The following NUP133 variants were observed in gnomAD, a reference collection of about 807,000 sequenced individuals.
NUP133 encodes nuclear pore complex protein Nup133.
NUP133 carries 66 observed loss-of-function variants against 146.2 expected under a neutral mutation model. That is an observed-to-expected ratio of 0.45 (90% CI 0.37 to 0.55). The LOEUF is 0.55. Ranked by LOEUF, NUP133 falls within the 20% of genes least tolerant of loss-of-function variation. NUP133 has a pLI of 0.00. For missense variants in NUP133, 1,277 were observed against 1,374.8 expected (o/e 0.93, Z 1.12); for synonymous variants, 521 against 498.8 (o/e 1.04, Z -0.59).
At chr1:229,468,523 C>A (rs1660877970) in intron 15 of NUP133, among the ~76,000 whole-genome samples, 1 of 152,074 alleles carries the variant, frequency 6.6e-6, no homozygotes, top group Non-Finnish European at 1.5e-5. Flanking sequence ...TTTTGAGGAG[C>A]CAATCACATT....
chr1:229,460,619 A>G lies in NUP133; in HGVS notation c.2836T>C (p.Leu946=). 6.2e-7 allele frequency: 1 copy of G among 1,612,676 alleles called. No individual in the cohort carries two copies. The highest frequency in any genetic ancestry group is 8.5e-7 in the Non-Finnish European group (1 of 1,179,624). Residue 946 remains leucine, a synonymous_variant, in exon 20 of 26, where the codon TTA becomes CTA. Coordinates refer to ENST00000261396, the MANE Select transcript of NUP133 (RefSeq NM_018230.3). ...AGAAAAATCCTTCTTACCTTTTCTA[A>G]TTCTTGGCTATTAATTTCATGTAAC... ...SWLHEINSQE[L]EKAHATLLGL...
At chr1:229,491,286 C>A (rs1311168304) in intron 8 of NUP133, among the ~76,000 whole-genome samples, 1 of 152,176 alleles carries the variant, frequency 6.6e-6, no homozygotes, top group Non-Finnish European at 1.5e-5. Flanking sequence ...AAAAGGTTTG[C>A]CAATCCCTGA....
chr1:229,452,122 C>T (rs1297689575), intron 22 of NUP133, among the ~76,000 whole-genome samples: 10 of 152,238 alleles, frequency 6.6e-5, no homozygotes, highest in Admixed American at 5.2e-4. Context: ...TGTTGGGTTG[C>T]AGAGGAAAGG....
At chr1:229,456,758 C>T (rs75978351) in intron 21 of NUP133, among the ~76,000 whole-genome samples, 4,198 of 150,412 alleles carry the variant, frequency 0.028, 157 homozygotes, top group African/African-American at 0.087. Flanking sequence ...TATATATACA[C>T]ACAATTTTAT....
chr1:229,456,706 T>G (rs188463421), intron 21 of NUP133, among the ~76,000 whole-genome samples: 1 of 151,876 alleles, frequency 6.6e-6, no homozygotes, highest in Non-Finnish European at 1.5e-5. Context: ...CGTATGTGTG[T>G]GTGTGTATAG....
At chr1:229,479,706 G>A (rs1218365115) in intron 12 of NUP133, among the ~76,000 whole-genome samples, 3 of 152,150 alleles carry the variant, frequency 2.0e-5, no homozygotes, top group Admixed American at 6.5e-5. Flanking sequence ...TATGAAATAT[G>A]TACTGCTGCT....
rs749908782 is a variant in NUP133 at position 229,508,086 on chromosome 1, C to T, written c.164G>A (p.Arg55His). The change falls in exon 1 of 26, where the codon CGT becomes CAT. Residue 55 changes from arginine to histidine, a missense_variant. Transcript: ENST00000261396. ...SPVLFSPVGR[R>H]SSLSSRGTPT... Reference sequence around the variant, plus strand: ...CACTTACCGCGAGCTTAGCGAGCTACGCCGGCCGACCGGCGAGAAGAGCAC... The same window carrying T: ...CACTTACCGCGAGCTTAGCGAGCTATGCCGGCCGACCGGCGAGAAGAGCAC... 3.3e-6 allele frequency: 5 copies of T among 1,503,794 alleles called. No individual in the cohort carries two copies. Among genetic ancestry groups the T allele is most frequent in the South Asian group, 1.3e-5 (1 of 78,674 alleles). 93.2% of individuals were successfully genotyped at this position (1,503,794 alleles called of 1,614,324 possible). A position where few individuals can be genotyped will look rare whatever the true frequency, so the allele number is the denominator to read the frequency against.
chr1:229,472,364 C>T (rs992778845), intron 14 of NUP133, among the ~76,000 whole-genome samples: 2 of 149,154 alleles, frequency 1.3e-5, no homozygotes, highest in Non-Finnish European at 3.0e-5. Context: ...CATGCAAGGT[C>T]ATCCCAATTG....
intron 19 of NUP133, among the ~76,000 whole-genome samples, chr1:229,461,661 T>G (rs1279196284): frequency 6.6e-6 from 1 of 152,048 alleles, no homozygotes; most frequent in Non-Finnish European, 1.5e-5. Context: ...AAACTATGAT[T>G]CAAGCAACAT....
chr1:229,449,004 A>G, intron 24 of NUP133, 122 bp downstream of exon 24: 1 of 738,838 alleles, frequency 1.4e-6, no homozygotes, highest in Admixed American at 2.2e-5. Flanking sequence ...TGCCCAGTGT[A>G]GGAGGTGGGA....
chr1:229,486,610 A>G, intron 10 of NUP133, 82 bp from the exon 11 acceptor site: 1 of 1,326,392 alleles, frequency 7.5e-7, no homozygotes, highest in Non-Finnish European at 1.0e-6. Flanking sequence ...TAAGCAGAAA[A>G]TCATCTTGAT....
chr1:229,458,030 AC>A, intron 21 of NUP133, 130 bp downstream of exon 21: 1 of 879,752 alleles, frequency 1.1e-6, no homozygotes, highest in Non-Finnish European at 1.7e-6. Context: ...ATGGACATTA[AC>A]TAAATGCATT....
In NUP133 at chr1:229,486,400, C is replaced by T. The variant is rs1661347598; in HGVS notation, c.1471G>A (p.Ala491Thr). 2 of 1,603,842 alleles carry T rather than the reference C, an allele frequency of 1.2e-6. No homozygotes were observed. The highest frequency in any genetic ancestry group is 2.2e-5 in the East Asian group (1 of 44,650). Residue 491 changes from alanine (A) to threonine (T), a missense_variant, in exon 11 of 26, where the codon GCA becomes ACA. Physicochemically the swap from Ala to Thr is moderately conservative, Grantham distance 58. Around this residue, in one of 3 missense-constraint regions of NUP133, gnomAD observed 952 missense variants for 1,047.0 expected, o/e 0.91. Transcript: ENST00000261396. Reference sequence around the variant, plus strand: ...CTGTTTGGTCCAGCAACTGAAGATGCTAAAGACCCTTCCAAGTCTTCTGCC... The same window carrying T: ...CTGTTTGGTCCAGCAACTGAAGATGTTAAAGACCCTTCCAAGTCTTCTGCC... ...ILAEDLEGSL[A>T]SSVAGPNSES...
At chr1:229,446,167 G>T (rs1360294071) in intron 24 of NUP133, among the ~76,000 whole-genome samples, 3 of 152,156 alleles carry the variant, frequency 2.0e-5, no homozygotes, top group African/African-American at 7.2e-5. Context: ...AGCACTTTGG[G>T]AGGCCGAGGC....
At chr1:229,455,294 C>T (rs1329857292) in intron 21 of NUP133, among the ~76,000 whole-genome samples, 3 of 152,304 alleles carry the variant, frequency 2.0e-5, no homozygotes, top group South Asian at 2.1e-4. Flanking sequence ...TGTGGTGGCT[C>T]ATGTCTATAA....
chr1:229,476,368 T>A (rs956072604), intron 13 of NUP133, among the ~76,000 whole-genome samples: 1 of 152,196 alleles, frequency 6.6e-6, no homozygotes, highest in Non-Finnish European at 1.5e-5. Context: ...AAATCTCTAA[T>A]GGAGCTTAGT....
chr1:229,479,933 T>C (rs777841217), intron 12 of NUP133, among the ~76,000 whole-genome samples: 5 of 152,182 alleles, frequency 3.3e-5, no homozygotes, highest in Non-Finnish European at 7.3e-5. Context: ...GACTGGTCTT[T>C]TTACAAATGG....
chr1:229,455,272 T>C (rs893337263), intron 21 of NUP133, among the ~76,000 whole-genome samples: 4 of 152,102 alleles, frequency 2.6e-5, no homozygotes, highest in Admixed American at 6.6e-5. Context: ...TTTTGAAAAA[T>C]TCCAGGCTGG....
At position 229,465,647 on chromosome 1, in the gene NUP133, C is replaced by T. The variant is rs889850990; in HGVS notation, c.2200-128G>A. On this transcript the variant is annotated intron_variant, in intron 16 of 25. Transcript: ENST00000261396. ...CAGGGGCCAGGAATGTTGGCTCACA[C>T]CTGTAATCCCAGTGCTTTGGGAGGC... The T allele has an allele frequency of 1.1e-5, 8 of 708,962 alleles. No homozygotes were observed. In the Admixed American group the frequency reaches 1.4e-4, roughly 13 times the overall value. 43.9% of individuals were successfully genotyped at this position (708,962 alleles called of 1,614,324 possible). A position where few individuals can be genotyped will look rare whatever the true frequency, so the allele number is the denominator to read the frequency against.
Sources: allele counts gnomAD v4.1 joint callset (sites outside exome capture counted in the v4.1 genomes callset), GRCh38; gene constraint gnomAD v4.1.1; regional missense constraint gnomAD v4.1.1; transcripts MANE v1.5; gene names NCBI Gene and HGNC (gene_info 2026-07-23, HGNC 2026-07-21).